The following KRTAP4-16 variants were observed in gnomAD, a reference collection of about 807,000 sequenced individuals.
KRTAP4-16 encodes the protein keratin-associated protein 4-16.
For synonymous variants in KRTAP4-16, 140 were observed against 88.8 expected (o/e 1.58, Z -3.24); for missense variants, 378 against 233.5 (o/e 1.62, Z -4.03).
chr17:41,101,981 T>A (rs940829684), exon 1 of KRTAP4-16: 1 of 1,601,622 alleles, frequency 6.2e-7, no homozygotes, highest in Admixed American at 1.7e-5. Flanking sequence ...TGGCAGCAGG[T>A]CGTCCTGCAG....
At chr17:41,102,192 C>T (rs758144545) in exon 1 of KRTAP4-16, 3 of 1,204,696 alleles carry the variant, frequency 2.5e-6, no homozygotes, top group South Asian at 2.4e-5. Context: ...GGCTGCATGG[C>T]ATCTTTGAAC....
chr17:41,101,567 G>A (rs1480897156), exon 1 of KRTAP4-16: 28 of 328,278 alleles, frequency 8.5e-5, no homozygotes, highest in East Asian at 5.7e-4. Flanking sequence ...GGGGAGGGGA[G>A]GGGAGGGGAA....
exon 1 of KRTAP4-16, chr17:41,102,145 T>C (rs774291719): frequency 1.3e-5 from 19 of 1,511,358 alleles, no homozygotes; most frequent in East Asian, 6.8e-5. Flanking sequence ...GTGACAGCAG[T>C]TGGGTGGGCT....
chr17:41,102,142 C>G, exon 1 of KRTAP4-16: 1 of 1,520,702 alleles, frequency 6.6e-7, no homozygotes, highest in Non-Finnish European at 9.1e-7. Flanking sequence ...GGGGTGACAG[C>G]AGTTGGGTGG....
At chr17:41,101,759 A>T (rs1476154590) in exon 1 of KRTAP4-16, 6 of 1,480,008 alleles carry the variant, frequency 4.1e-6, no homozygotes, top group Non-Finnish European at 4.6e-6. Context: ...GGGCAGGTGG[A>T]GATGACACAG....
At chr17:41,101,873 T>A (rs2013991680) in exon 1 of KRTAP4-16, 2 of 1,608,754 alleles carry the variant, frequency 1.2e-6, no homozygotes, top group Non-Finnish European at 1.7e-6. Flanking sequence ...GGGCAGCAGC[T>A]GCTGGAGATG....
exon 1 of KRTAP4-16, chr17:41,102,057 G>C (rs1252879299): frequency 6.3e-7 from 1 of 1,598,816 alleles, no homozygotes; most frequent in African/African-American, 1.4e-5. Flanking sequence ...GGCAGCACTG[G>C]GGTCTGCAGC....
At chr17:41,101,693 C>CGGGGGGGGAAGGGAGGGGAAG (rs2013985500) in exon 1 of KRTAP4-16, 2 of 721,006 alleles carry the variant, frequency 2.8e-6, no homozygotes, top group Admixed American at 3.1e-5. Context: ...GGGAGGGGAA[C>CGGGGGGGGAAGGGAGGGGAAG]GGGTGGGGAA....
At chr17:41,101,770 G>A (rs769183095) in exon 1 of KRTAP4-16, 211 of 1,520,860 alleles carry the variant, frequency 1.4e-4, no homozygotes, top group Non-Finnish European at 1.8e-4. Flanking sequence ...GATGACACAG[G>A]TTGGGTGATA....
exon 1 of KRTAP4-16, chr17:41,102,176 C>T: frequency 7.3e-7 from 1 of 1,374,332 alleles, no homozygotes; most frequent in Non-Finnish European, 1.0e-6. Flanking sequence ...AGACTGGAAG[C>T]ACTGGGGCTG....
rs571613023 is a variant in KRTAP4-16, at chr17:41,101,847, C to T, written c.363G>A (p.Ser121=). The change falls in exon 1 of 1, where the codon TCG becomes TCA. Residue 121 remains serine (S), a synonymous_variant. Coordinates refer to ENST00000440582, the Ensembl canonical transcript of KRTAP4-16. ...GGCAGCAGCAGGGGCAGCAGCAGCT[C>T]GATTCACAGCAAGAGGGGCAGCAGC... 8 of 1,602,134 alleles carry T rather than the reference C, an allele frequency of 5.0e-6. No individual in the cohort carries two copies. The African/African-American group carries it at 5.4e-5, about 11-fold the overall frequency.
exon 1 of KRTAP4-16, chr17:41,101,786 T>C: frequency 6.4e-7 from 1 of 1,552,390 alleles, no homozygotes; most frequent in Non-Finnish European, 8.7e-7. Context: ...TGATAGCAAG[T>C]GACGTGGCAG....
At chr17:41,101,668 AG>A in the KRTAP4-16 span, 1 of 500,830 alleles carries the variant, frequency 2.0e-6, no homozygotes, top group South Asian at 1.8e-5. Context: ...GGGGAGGGCA[AG>A]GGAAAGGAAG....
chr17:41,101,837 A>G (rs1312365766), exon 1 of KRTAP4-16: 1 of 1,596,888 alleles, frequency 6.3e-7, no homozygotes, highest in Non-Finnish European at 8.5e-7. Context: ...CAGCAGGGGC[A>G]GCAGCAGCTC....
At chr17:41,101,574 G>A (rs1161278987) in exon 1 of KRTAP4-16, 31 of 387,030 alleles carry the variant, frequency 8.0e-5, no homozygotes, top group Admixed American at 1.6e-4. Context: ...GGAGGGGAGG[G>A]GAAAGTGAAG....
chr17:41,102,041 C>A (rs79454827), exon 1 of KRTAP4-16: 1 of 1,605,940 alleles, frequency 6.2e-7, no homozygotes, highest in East Asian at 2.2e-5. Flanking sequence ...TGGCAGCACA[C>A]GGAATGGCAG....
chr17:41,102,065 A>T, exon 1 of KRTAP4-16: 2 of 1,596,674 alleles, frequency 1.3e-6, no homozygotes, highest in Non-Finnish European at 1.7e-6. Context: ...TGGGGTCTGC[A>T]GCAGCTGGAC....
chr17:41,101,637 AGGGGAAGGGCGGGG>A, the KRTAP4-16 span: 1 of 444,654 alleles, frequency 2.2e-6, no homozygotes, highest in Non-Finnish European at 4.0e-6. Flanking sequence ...AGAGGAGGGG[AGGGGAAGGGCGGGG>A]AGGGGAGGGG....
exon 1 of KRTAP4-16, chr17:41,102,187 C>T (rs778521033): frequency 2.2e-5 from 29 of 1,300,652 alleles, no homozygotes; most frequent in Non-Finnish European, 3.1e-5. Flanking sequence ...ACTGGGGCTG[C>T]ATGGCATCTT....
Sources: allele counts gnomAD v4.1 joint callset, GRCh38; gene constraint gnomAD v4.1.1; transcripts MANE v1.5; gene names NCBI Gene and HGNC (gene_info 2026-07-23, HGNC 2026-07-21).